SRPK2: variants seen among roughly 807,000 people sequenced by gnomAD.
The protein encoded by SRPK2 is SFRS protein kinase 2.
A neutral mutation model predicts 90.8 loss-of-function variants in SRPK2; 21 were observed. The observed-to-expected ratio is 0.23, with a 90% CI of 0.16 to 0.33. The LOEUF (loss-of-function observed/expected upper bound fraction) is 0.33. Ranked by LOEUF, SRPK2 falls within the 10% of genes least tolerant of loss-of-function variation. The probability of loss-of-function intolerance (pLI) is 1.00; values close to 1 mark genes in which losing one functional copy is unlikely to be tolerated. For missense variants in SRPK2, 620 were observed against 869.0 expected (o/e 0.71, Z 3.60); for synonymous variants, 288 against 311.1 (o/e 0.93, Z 0.78).
chr7:105,379,454 G>A (rs997202359), intron 2 of SRPK2, among the ~76,000 whole-genome samples: 2 of 152,008 alleles, frequency 1.3e-5, no homozygotes, highest in Admixed American at 6.6e-5. Context: ...AGCGTACTGA[G>A]GGATGACTGT....
chr7:105,326,553 A>G (rs1813618476), intron 2 of SRPK2, among the ~76,000 whole-genome samples: 1 of 152,196 alleles, frequency 6.6e-6, no homozygotes, highest in Non-Finnish European at 1.5e-5. Flanking sequence ...ACTATCAATT[A>G]TGCCATTCAA....
At chr7:105,382,859 G>A (rs1048133077) in intron 2 of SRPK2, among the ~76,000 whole-genome samples, 9 of 152,034 alleles carry the variant, frequency 5.9e-5, no homozygotes, top group African/African-American at 1.9e-4. Context: ...TACACAGAGA[G>A]TGCATGTAAA....
At chr7:105,389,717 C>T (rs1013217136), upstream of SRPK2, among the ~76,000 whole-genome samples, 2 of 152,140 alleles carry the variant, frequency 1.3e-5, no homozygotes, top group Non-Finnish European at 2.9e-5. Flanking sequence ...TCAGGCCTGG[C>T]CGTCGACAAA....
chr7:105,378,468 A>G (rs1224690096), intron 2 of SRPK2, among the ~76,000 whole-genome samples: 4 of 152,146 alleles, frequency 2.6e-5, no homozygotes, highest in African/African-American at 7.2e-5. Context: ...ACCAAGAAAC[A>G]TATGAAAAGA....
At chr7:105,362,568 G>A (rs1471050790) in intron 2 of SRPK2, among the ~76,000 whole-genome samples, 1 of 151,862 alleles carries the variant, frequency 6.6e-6, no homozygotes, top group East Asian at 1.9e-4. Context: ...AGAGGATGTG[G>A]AGAAATAGGA....
chr7:105,260,515 C>T (rs1444437068), intron 2 of SRPK2, among the ~76,000 whole-genome samples: 2 of 152,152 alleles, frequency 1.3e-5, no homozygotes, highest in Non-Finnish European at 2.9e-5. Flanking sequence ...CCATTTGACC[C>T]AGCAATCCCA....
chr7:105,290,172 A>C (rs1202221166), intron 2 of SRPK2, among the ~76,000 whole-genome samples: 7 of 147,962 alleles, frequency 4.7e-5, no homozygotes, highest in South Asian at 2.2e-4. Context: ...AGAATTACCA[A>C]ACTAACACAG....
At chr7:105,373,773 G>C (rs1222579594) in intron 2 of SRPK2, among the ~76,000 whole-genome samples, 1 of 152,004 alleles carries the variant, frequency 6.6e-6, no homozygotes, top group African/African-American at 2.4e-5. Flanking sequence ...GCAGTAAGCT[G>C]ACCTTACTGT....
chr7:105,269,310 A>T (rs1805516778), intron 2 of SRPK2, among the ~76,000 whole-genome samples: 1 of 152,190 alleles, frequency 6.6e-6, no homozygotes, highest in Non-Finnish European at 1.5e-5. Flanking sequence ...TAGCCCTAAA[A>T]AATATGGCTC....
At chr7:105,277,144 TC>T (rs1420096975) in intron 2 of SRPK2, among the ~76,000 whole-genome samples, 1 of 152,118 alleles carries the variant, frequency 6.6e-6, no homozygotes, top group Non-Finnish European at 1.5e-5. Context: ...TGGCGTGATC[TC>T]CGCTCACTGC....
chr7:105,309,696 A>G (rs1031759814), intron 2 of SRPK2, among the ~76,000 whole-genome samples: 4 of 152,188 alleles, frequency 2.6e-5, no homozygotes, highest in Admixed American at 1.3e-4. Flanking sequence ...AACCATAGAG[A>G]CTTTCATGTA....
intron 2 of SRPK2, among the ~76,000 whole-genome samples, chr7:105,212,743 G>A (rs963038565): frequency 2.0e-5 from 3 of 152,150 alleles, no homozygotes; most frequent in African/African-American, 4.8e-5. Context: ...GGAAAACGCT[G>A]CAATTGTTAG....
chr7:105,229,447 G>C (rs1002909573), intron 2 of SRPK2, among the ~76,000 whole-genome samples: 8 of 150,526 alleles, frequency 5.3e-5, no homozygotes, highest in Admixed American at 4.6e-4. Flanking sequence ...CTGGGCGACA[G>C]AGCAAGACTC....
At chr7:105,318,867 T>C (rs1431565910) in intron 2 of SRPK2, among the ~76,000 whole-genome samples, 1 of 152,218 alleles carries the variant, frequency 6.6e-6, no homozygotes, top group Non-Finnish European at 1.5e-5. Context: ...CAGCGAGGTA[T>C]CAGTATTTTA....
At chr7:105,292,016 G>T (rs1448880167) in intron 2 of SRPK2, among the ~76,000 whole-genome samples, 1 of 152,076 alleles carries the variant, frequency 6.6e-6, no homozygotes, top group African/African-American at 2.4e-5. Context: ...CCAAAATGAT[G>T]GCCTAGTCAC....
At chr7:105,205,493 TCATTCTCTCTCTCTCTCTCTCTCTC>T (rs1563080194) in intron 2 of SRPK2, among the ~76,000 whole-genome samples, 4 of 138,614 alleles carry the variant, frequency 2.9e-5, no homozygotes. Context: ...AGAATAATAT[TCATTCTCTCTCTCTCTCTCTCTCTC>T]ACACACACAC....
At chr7:105,381,306 GTGGCTC>G (rs1820921672) in intron 2 of SRPK2, among the ~76,000 whole-genome samples, 1 of 152,060 alleles carries the variant, frequency 6.6e-6, no homozygotes, top group African/African-American at 2.4e-5. Flanking sequence ...GCCAGGCGCA[GTGGCTC>G]AAGCCTGTAA....
In SRPK2 at chr7:105,181,869, C is replaced by T. The variant is rs147398083; in HGVS notation, c.230-12604G>A. ...TGTGCACATACATGTACCCCTGAAC[C>T]TAAGATAAAAGTAAAAAAAAAAAAA... On this transcript the variant is annotated intron_variant, in intron 3 of 15. Transcript: ENST00000393651. Among the ~76,000 whole-genome samples the T allele has an allele frequency of 1.2e-3, 162 of 134,928 alleles. 2 individuals are homozygous for T. The highest frequency in any genetic ancestry group is 4.2e-3 in the African/African-American group (158 of 37,386). 88.5% of individuals were successfully genotyped at this position (134,928 alleles called of 152,430 possible). A position where few individuals can be genotyped will look rare whatever the true frequency, so the allele number is the denominator to read the frequency against.
chr7:105,314,535 C>A (rs968876799), intron 2 of SRPK2, among the ~76,000 whole-genome samples: 2 of 151,978 alleles, frequency 1.3e-5, no homozygotes, highest in African/African-American at 4.8e-5. Context: ...AGGTGTGCAC[C>A]ATCACGCCCG....
Sources: allele counts gnomAD v4.1 joint callset (sites outside exome capture counted in the v4.1 genomes callset), GRCh38; gene constraint gnomAD v4.1.1; transcripts MANE v1.5; gene names NCBI Gene and HGNC (gene_info 2026-07-23, HGNC 2026-07-21).